Variants in LRBA observed in about 807,000 individuals in gnomAD.
LRBA encodes the protein lipopolysaccharide-responsive and beige-like anchor protein.
LRBA carries 176 observed loss-of-function variants against 330.0 expected under a neutral mutation model. The ratio of observed to expected loss-of-function variants is 0.53; its 90% CI spans 0.47 to 0.60. The LOEUF is 0.60. LRBA is among the 20% of genes least tolerant of loss of function. LRBA has a pLI of 0.00. For missense variants in LRBA, 3,259 were observed against 3,444.8 expected, an observed-to-expected ratio of 0.95 and a Z score of 1.35; for synonymous variants, 1,230 against 1,193.0, an observed-to-expected ratio of 1.03 and a Z score of -0.64.
At chr4:150,904,131 A>G (rs557810573) in intron 13 of LRBA, among the ~76,000 whole-genome samples, 6 of 152,232 alleles carry the variant, frequency 3.9e-5, no homozygotes, top group Non-Finnish European at 7.3e-5. Flanking sequence ...CCACACATCC[A>G]GACCTTCAAC....
intron 40 of LRBA, among the ~76,000 whole-genome samples, chr4:150,526,131 G>T (rs975643999): frequency 2.0e-5 from 3 of 152,150 alleles, no homozygotes; most frequent in African/African-American, 7.2e-5. Flanking sequence ...TCTACAGAAA[G>T]CAACATTGCC....
intron 34 of LRBA, among the ~76,000 whole-genome samples, chr4:150,785,048 C>A (rs1045519455): frequency 2.0e-5 from 3 of 152,126 alleles, no homozygotes; most frequent in Non-Finnish European, 4.4e-5. Flanking sequence ...ACCTGCTGTG[C>A]GTGAGATAAG....
intron 34 of LRBA, among the ~76,000 whole-genome samples, chr4:150,797,453 T>C (rs1263171585): frequency 3.3e-5 from 5 of 151,906 alleles, no homozygotes; most frequent in Non-Finnish European, 5.9e-5. Context: ...TCTGTTTAAT[T>C]GCAAAACAGA....
At chr4:150,274,403 AGAAG>A (rs1208280735) in intron 56 of LRBA, among the ~76,000 whole-genome samples, 2 of 152,342 alleles carry the variant, frequency 1.3e-5, no homozygotes, top group Admixed American at 6.5e-5. Context: ...AAAGAACTAC[AGAAG>A]GAAGAGCAAA....
rs2152104055 is a variant in LRBA, at chr4:150,491,029, C to T, written c.6337G>A (p.Ala2113Thr). The change falls in exon 41 of 57, where the codon GCA becomes ACA. Residue 2113 changes from alanine to threonine, a missense_variant. Coordinates refer to ENST00000651943, the MANE Select transcript of LRBA (RefSeq NM_001364905.1). ...NFKKIDPKILAYTEGLHGKWL... is the reference protein window; with the variant it reads ...NFKKIDPKILTYTEGLHGKWL... ...TTTCCATGCAGCCCTTCTGTATATG[C>T]CAAGATCTAATGAGGAAAAAAATAA... 1 of 1,547,460 alleles carries T rather than the reference C, an allele frequency of 6.5e-7. No individual in the cohort carries two copies. The highest frequency in any genetic ancestry group is 8.9e-7 in the Non-Finnish European group (1 of 1,129,226).
At chr4:150,714,897 T>A (rs1307976185) in intron 36 of LRBA, among the ~76,000 whole-genome samples, 1 of 151,982 alleles carries the variant, frequency 6.6e-6, no homozygotes, top group Non-Finnish European at 1.5e-5. Flanking sequence ...GACACCAGAG[T>A]CAATATTATT....
intron 28 of LRBA, 67 bp from the exon 29 acceptor site, chr4:150,832,043 A>G: frequency 2.2e-6 from 2 of 920,138 alleles, no homozygotes; most frequent in East Asian, 2.8e-5. Context: ...TTTACATCAC[A>G]ATGTTTAAAT....
Position 150,583,023 on chromosome 4 carries a change from C to A in LRBA, c.6330+5025G>T. 6.3e-7 allele frequency: 1 copy of A among 1,582,676 alleles called. No homozygotes were observed. Among genetic ancestry groups the A allele is most frequent in the Non-Finnish European group, 8.6e-7 (1 of 1,163,024 alleles). ...CGCCGGTGTATAGCCCGGACCTGTG[C>A]CCCAACATGATCGCCGCTCAGGCCA... On this transcript the variant is annotated intron_variant, in intron 40 of 56. Coordinates refer to ENST00000651943, the MANE Select transcript of LRBA (RefSeq NM_001364905.1). The surrounding 1 kb of genome is among the most constrained non-coding windows in gnomAD (Gnocchi z 9.8).
rs751823034 is a variant in LRBA at position 150,806,430 on chromosome 4, G to C, written c.5385-26C>G. 1.2e-5 allele frequency: 18 copies of C among 1,535,848 alleles called. No individual in the cohort carries two copies. In the African/African-American group the frequency reaches 2.4e-4, roughly 20 times the overall value. ...CTAAGGAAAAGACATTAAGTTACTT[G>C]AACTATTCAACAGATTGTATCAATT... On this transcript the variant is annotated intron_variant, in intron 32 of 56. Transcript: ENST00000651943.
intron 2 of LRBA, among the ~76,000 whole-genome samples, chr4:150,933,602 T>C (rs574603963): frequency 6.6e-6 from 1 of 152,270 alleles, no homozygotes; most frequent in African/African-American, 2.4e-5. Context: ...CGATTGTCTC[T>C]GGAAAAGATC....
intron 46 of LRBA, among the ~76,000 whole-genome samples, chr4:150,424,250 CTG>C (rs1422159623): frequency 2.0e-5 from 3 of 152,176 alleles, no homozygotes; most frequent in Non-Finnish European, 4.4e-5. Context: ...TCCTCACCTA[CTG>C]TCATCGATAG....
intron 39 of LRBA, among the ~76,000 whole-genome samples, chr4:150,589,743 T>C (rs1377432353): frequency 3.3e-5 from 5 of 152,154 alleles, no homozygotes; most frequent in African/African-American, 1.2e-4. Flanking sequence ...AACTCCCCTT[T>C]CACCTCTATT....
intron 34 of LRBA, among the ~76,000 whole-genome samples, chr4:150,791,756 C>T (rs1483693798): frequency 1.1e-4 from 17 of 152,168 alleles, no homozygotes; most frequent in Admixed American, 3.9e-4. Context: ...TGGCCGGGCG[C>T]GGTGGCTCAT....
At chr4:150,320,641 C>T (rs112571370) in intron 50 of LRBA, among the ~76,000 whole-genome samples, 16 of 151,744 alleles carry the variant, frequency 1.1e-4, no homozygotes, top group East Asian at 3.9e-4. Flanking sequence ...CCCATCTCTA[C>T]GAAAAGTTAA....
chr4:150,567,011 C>T (rs1769214749), intron 40 of LRBA, among the ~76,000 whole-genome samples: 1 of 152,060 alleles, frequency 6.6e-6, no homozygotes, highest in Admixed American at 6.6e-5. Context: ...AACTTCATTT[C>T]CATCTTTTAT....
intron 35 of LRBA, among the ~76,000 whole-genome samples, chr4:150,755,549 T>C (rs1734179644): frequency 1.3e-5 from 2 of 152,158 alleles, no homozygotes; most frequent in South Asian, 4.1e-4. Context: ...AATTACAAGA[T>C]TCAAGATGAG....
At chr4:150,473,944 T>A (rs1275098251) in intron 42 of LRBA, among the ~76,000 whole-genome samples, 1 of 152,310 alleles carries the variant, frequency 6.6e-6, no homozygotes, top group African/African-American at 2.4e-5. Flanking sequence ...ATTTACTTAG[T>A]GGTCAATTTT....
At chr4:151,004,945 C>T (rs1743833663) in intron 2 of LRBA, among the ~76,000 whole-genome samples, 1 of 152,026 alleles carries the variant, frequency 6.6e-6, no homozygotes, top group African/African-American at 2.4e-5. Flanking sequence ...GAGCCAAGAG[C>T]ATGCCATTGC....
chr4:150,977,110 C>T (rs960785351), intron 2 of LRBA, among the ~76,000 whole-genome samples: 2 of 152,204 alleles, frequency 1.3e-5, no homozygotes, highest in Non-Finnish European at 1.5e-5. Context: ...ACATGAGGGG[C>T]ATGTGACCTG....
Sources: gnomAD v4.1 joint callset for allele counts (sites outside exome capture counted in the v4.1 genomes callset) on GRCh38, gnomAD v4.1.1 for gene constraint, Gnocchi (gnomAD v3.1) non-coding constraint, MANE v1.5 for transcripts, NCBI Gene and HGNC (gene_info 2026-07-23, HGNC 2026-07-21) for gene names.